KIAA1614: variants seen among roughly 807,000 people sequenced by gnomAD.
KIAA1614 encodes uncharacterized protein KIAA1614.
A neutral mutation model predicts 88.7 loss-of-function variants in KIAA1614; 76 were observed. The observed-to-expected ratio is 0.86, with a 90% confidence interval of 0.71 to 1.04. The LOEUF is 1.04. Among genes scored for constraint, KIAA1614 ranks in the 50% least tolerant of loss-of-function variants. The pLI, the probability that KIAA1614 is intolerant of heterozygous loss-of-function variation, is 0.00. For synonymous variants in KIAA1614, 714 were observed against 675.5 expected (o/e 1.06, Z -0.88); for missense variants, 1,553 against 1,582.5 (o/e 0.98, Z 0.32).
intron 3 of KIAA1614, among the ~76,000 whole-genome samples, chr1:180,919,364 C>T (rs1653894980): frequency 6.6e-6 from 1 of 152,226 alleles, no homozygotes; most frequent in South Asian, 2.1e-4. Context: ...TTTCCAGACC[C>T]TCCTCTGGTC....
rs775204037 is a variant in KIAA1614, at chr1:180,916,710, C to T, written c.607C>T (p.Leu203=). ...TCCTGACCATGACAGAGGTCCGCTG[C>T]TGGGGCCCAGCTCTTTGCAACAGAG... ...TLPDHDRGPL[L]GPSSLQQSPI... Residue 203 remains leucine (L), a synonymous_variant, in exon 2 of 9, where the codon CTG becomes TTG. Transcript: ENST00000367588. 3.1e-6 allele frequency: 5 copies of T among 1,612,962 alleles called. No individual in the cohort carries two copies. In the South Asian group the frequency reaches 5.5e-5, roughly 18 times the overall value.
Position 180,944,921 on chromosome 1 carries a change from G to A in KIAA1614, c.3288-382G>A, listed in dbSNP as rs74403101. On this transcript the variant is annotated intron_variant, in intron 8 of 8. Coordinates refer to ENST00000367588, the MANE Select transcript of KIAA1614 (RefSeq NM_020950.2). ...CTGCTTGGAAAATCCCACCCTGTCC[G>A]ATGAGGCCCTGTAGGCTGGCTGCTC... The A allele has an allele frequency of 4.9e-4, 132 of 270,740 alleles. No homozygotes were observed. The East Asian group carries it at 9.9e-3, about 20-fold the overall frequency. 16.8% of individuals were successfully genotyped at this position (270,740 alleles called of 1,614,324 possible).
intron 1 of KIAA1614, among the ~76,000 whole-genome samples, chr1:180,914,590 C>T (rs925750890): frequency 5.3e-5 from 8 of 152,132 alleles, no homozygotes; most frequent in African/African-American, 1.9e-4. Flanking sequence ...CGCTCTATCG[C>T]CCAGGCTGGA....
At position 180,936,448 on chromosome 1, in the gene KIAA1614, T is replaced by C. The variant is rs1354273890; in HGVS notation, c.2539T>C (p.Ser847Pro). 2 of 1,614,006 alleles carry C rather than the reference T, an allele frequency of 1.2e-6. No individual in the cohort carries two copies. Among genetic ancestry groups the C allele is most frequent in the South Asian group, 2.2e-5 (2 of 91,068 alleles). Residue 847 changes from serine to proline, a missense_variant, in exon 5 of 9, where the codon TCA (serine) becomes CCA (proline). Physicochemically the swap from Ser to Pro is moderately conservative, Grantham distance 74. Transcript: ENST00000367588. ...TEPVGIPRPP[S>P]RSAVLRTCEL... The stretch of plus-strand genomic sequence containing the variant: ...GCCTGTGGGTATCCCTCGGCCTCCT[T>C]CAAGAAGCGCGGTTCTCAGGACCTG...
In KIAA1614 at chr1:180,941,125, TA is replaced by T. The variant is rs773281333; in HGVS notation, c.3000del (p.Ile1000MetfsTer7). On this transcript the variant is annotated frameshift_variant, in exon 7 of 9. Coordinates refer to ENST00000367588, the MANE Select transcript of KIAA1614 (RefSeq NM_020950.2). LOFTEE classifies it high-confidence loss of function. ...CAGAACAAGAAAAGGAGCAGCAGCA[TA>T]GCCTCCACCCTGGGGCTGAAAAAGC... The part of the protein sequence containing the change: ...LDQNKKRSSS[I>X]ASTLGLKKLF... 6 of 1,612,102 alleles carry T rather than the reference TA, an allele frequency of 3.7e-6. No individual in the cohort carries two copies. Among genetic ancestry groups the T allele is most frequent in the Non-Finnish European group, 5.1e-6 (6 of 1,179,498 alleles).
At chr1:180,921,509 G>C (rs1325795081) in intron 3 of KIAA1614, among the ~76,000 whole-genome samples, 1 of 152,158 alleles carries the variant, frequency 6.6e-6, no homozygotes, top group Non-Finnish European at 1.5e-5. Flanking sequence ...ATTGGAGCCA[G>C]GTTTTGCACT....
intron 3 of KIAA1614, among the ~76,000 whole-genome samples, chr1:180,927,026 C>G (rs1378882356): frequency 6.6e-6 from 1 of 152,162 alleles, no homozygotes; most frequent in Admixed American, 6.5e-5. Flanking sequence ...GGGTTGGATG[C>G]AAATAGTGAG....
intron 4 of KIAA1614, among the ~76,000 whole-genome samples, chr1:180,931,055 G>C (rs1654187003): frequency 6.6e-6 from 1 of 152,232 alleles, no homozygotes; most frequent in Non-Finnish European, 1.5e-5. Flanking sequence ...TCCTAGGTCT[G>C]GCTAGAGGCA....
In KIAA1614 at chr1:180,916,462, G is replaced by A. The variant is rs752465663; in HGVS notation, c.359G>A (p.Arg120Gln). The change falls in exon 2 of 9, where the codon CGA (arginine) becomes CAA (glutamine). Residue 120 changes from arginine to glutamine, a missense_variant. Arg to Gln is a conservative substitution (Grantham distance 43). Coordinates refer to ENST00000367588, the MANE Select transcript of KIAA1614 (RefSeq NM_020950.2). ...WSSPKKPQCR[R>Q]GKAGRAGTPS... ...TCCCCCAAGAAACCCCAATGCAGACGAGGCAAGGCAGGGAGAGCCGGGACT... is the reference window on the plus strand; with the variant it reads ...TCCCCCAAGAAACCCCAATGCAGACAAGGCAAGGCAGGGAGAGCCGGGACT... 20 of 1,614,194 alleles carry A rather than the reference G, an allele frequency of 1.2e-5. No individual in the cohort carries two copies. Among genetic ancestry groups the A allele is most frequent in the Admixed American group, 6.7e-5 (4 of 60,030 alleles).
chr1:180,930,787 C>T (rs1171616386), intron 4 of KIAA1614, among the ~76,000 whole-genome samples: 3 of 152,234 alleles, frequency 2.0e-5, no homozygotes, highest in African/African-American at 2.4e-5. Flanking sequence ...GACTTGGCAG[C>T]GCTGGCGAAT....
chr1:180,942,289 C>T (rs1273872749), intron 7 of KIAA1614, among the ~76,000 whole-genome samples: 1 of 152,248 alleles, frequency 6.6e-6, no homozygotes, highest in Non-Finnish European at 1.5e-5. Context: ...GCAGCTCGCT[C>T]AGGCTCTCCC....
At position 180,936,113 on chromosome 1, in the gene KIAA1614, A is replaced by G; in HGVS notation, c.2204A>G (p.His735Arg). 6.2e-7 allele frequency: 1 copy of G among 1,614,002 alleles called. No homozygotes were observed. The highest frequency in any genetic ancestry group is 8.5e-7 in the Non-Finnish European group (1 of 1,179,974). ...CCAGGGCTGGGAAGTCACCAGCCTCACCCTTTGGATTCCCGGACTCCATGC... is the reference window on the plus strand; with the variant it reads ...CCAGGGCTGGGAAGTCACCAGCCTCGCCCTTTGGATTCCCGGACTCCATGC... ...PGPGLGSHQP[H>R]PLDSRTPCRT... The change falls in exon 5 of 9, where the codon CAC (histidine) becomes CGC (arginine). Residue 735 changes from histidine (H) to arginine (R), a missense_variant. Physicochemically the swap from His to Arg is conservative, Grantham distance 29 (BLOSUM62 0). Transcript: ENST00000367588.
intron 8 of KIAA1614, chr1:180,945,055 T>C (rs995305242): frequency 9.9e-6 from 5 of 505,628 alleles, no homozygotes; most frequent in Non-Finnish European, 1.7e-5. Flanking sequence ...CCCCCAAAAT[T>C]TGAAACCACT....
chr1:180,936,494 C>T lies in KIAA1614; in HGVS notation c.2585C>T (p.Thr862Ile). The T allele has an allele frequency of 6.2e-7, 1 of 1,613,950 alleles. No homozygotes were observed. Among genetic ancestry groups the T allele is most frequent in the Non-Finnish European group, 8.5e-7 (1 of 1,179,952 alleles). The change falls in exon 5 of 9, where the codon ACC (threonine) becomes ATC (isoleucine). Residue 862 changes from threonine (T) to isoleucine (I), a missense_variant. Transcript: ENST00000367588. ...LRTCELPPSQ[T>I]QPSRPQVRHP... ...ACCTGTGAGCTGCCCCCATCACAGA[C>T]CCAGCCCAGCCGCCCTCAGGTCAGG... is the stretch of plus-strand genomic sequence containing the variant.
intron 4 of KIAA1614, among the ~76,000 whole-genome samples, chr1:180,931,763 C>T (rs909252435): frequency 2.6e-5 from 4 of 152,226 alleles, no homozygotes; most frequent in African/African-American, 9.6e-5. Flanking sequence ...GGGACCTGGG[C>T]TCCCTTGTTA....
At chr1:180,927,804 C>T (rs948422790) in intron 3 of KIAA1614, among the ~76,000 whole-genome samples, 7 of 152,204 alleles carry the variant, frequency 4.6e-5, no homozygotes, top group African/African-American at 1.7e-4. Context: ...CTTAATTTCT[C>T]TCAGCCCTGA....
Position 180,948,886 on chromosome 1 carries a change from G to A in KIAA1614, c.*3298G>A, listed in dbSNP as rs1654666238. 1 of 152,300 alleles carries A rather than the reference G, an allele frequency of 6.6e-6. No homozygotes were observed. Among genetic ancestry groups the A allele is most frequent in the African/African-American group, 2.4e-5 (1 of 41,472 alleles). 9.4% of individuals were successfully genotyped at this position (152,300 alleles called of 1,614,324 possible). A position where few individuals can be genotyped will look rare whatever the true frequency, so the allele number is the denominator to read the frequency against. Reference sequence around the variant, plus strand: ...ACAAAGATTGGATTTACTAAATTCAGAGCCACAGACTTTCAGGTACTTCGG... The same window carrying A: ...ACAAAGATTGGATTTACTAAATTCAAAGCCACAGACTTTCAGGTACTTCGG... On this transcript the variant is annotated 3_prime_UTR_variant, in exon 9 of 9. Transcript: ENST00000367588.
At chr1:180,919,472 C>A (rs1474777609) in intron 3 of KIAA1614, among the ~76,000 whole-genome samples, 1 of 152,194 alleles carries the variant, frequency 6.6e-6, no homozygotes, top group Non-Finnish European at 1.5e-5. Flanking sequence ...GTTCAAGTTG[C>A]CTTCTGTCTT....
At position 180,935,801 on chromosome 1, in the gene KIAA1614, C is replaced by T. The variant is rs750892476; in HGVS notation, c.1892C>T (p.Ser631Phe). ...ACCGACAGTGAGGAGGCGGGGACCT[C>T]TCAGGCTGGCTGGGCGTGTGGGCGG... ...CRTDSEEAGTSQAGWACGRTQ... is the reference protein window; with the variant it reads ...CRTDSEEAGTFQAGWACGRTQ... The change falls in exon 5 of 9, where the codon TCT becomes TTT. Residue 631 changes from serine to phenylalanine, a missense_variant. Coordinates refer to ENST00000367588, the MANE Select transcript of KIAA1614 (RefSeq NM_020950.2). The surrounding 1 kb of genome is among the most constrained non-coding windows in gnomAD (Gnocchi z 6.1). 1.9e-5 allele frequency: 30 copies of T among 1,613,720 alleles called. No individual in the cohort carries two copies. The highest frequency in any genetic ancestry group is 2.5e-5 in the Non-Finnish European group (30 of 1,179,962).
Sources: allele counts gnomAD v4.1 joint callset (sites outside exome capture counted in the v4.1 genomes callset), GRCh38; gene constraint gnomAD v4.1.1; non-coding constraint Gnocchi (gnomAD v3.1); transcripts MANE v1.5; gene names NCBI Gene and HGNC (gene_info 2026-07-23, HGNC 2026-07-21).